Variants in TIPRL observed in about 807,000 individuals in gnomAD.
The protein encoded by TIPRL is TIP41-like protein.
TIPRL carries 10 observed loss-of-function variants against 32.3 expected under a neutral mutation model. The ratio of observed to expected loss-of-function variants is 0.31; its 90% CI spans 0.19 to 0.52. The LOEUF (loss-of-function observed/expected upper bound fraction) is 0.52, where lower values mean the gene tolerates loss of function less well. Ranked by LOEUF, TIPRL falls within the 20% of genes least tolerant of loss-of-function variation. The pLI is 0.96. For synonymous variants in TIPRL, 100 were observed against 114.0 expected (o/e 0.88, Z 0.78); for missense variants, 250 against 328.1 (o/e 0.76, Z 1.84).
At chr1:168,182,988 T>C (rs1448648327) in intron 1 of TIPRL, among the ~76,000 whole-genome samples, 3 of 152,126 alleles carry the variant, frequency 2.0e-5, no homozygotes, top group South Asian at 2.1e-4. Context: ...ATTGTTAACA[T>C]TGTGCAGTCC....
At chr1:168,194,780 G>A (rs1008821498) in intron 4 of TIPRL, among the ~76,000 whole-genome samples, 2 of 152,060 alleles carry the variant, frequency 1.3e-5, no homozygotes, top group Non-Finnish European at 2.9e-5. Context: ...AGTTTTATCC[G>A]GAAAATGGTT....
chr1:168,193,761 C>T (rs754485804), intron 4 of TIPRL, among the ~76,000 whole-genome samples: 113 of 152,088 alleles, frequency 7.4e-4, no homozygotes, highest in Non-Finnish European at 1.4e-3. Flanking sequence ...AGTATTAGTT[C>T]ATAGATATTA....
intron 2 of TIPRL, 49 bp from the exon 3 acceptor site, chr1:168,184,730 T>C (rs1700006224): frequency 8.9e-7 from 1 of 1,122,490 alleles, no homozygotes; most frequent in Non-Finnish European, 1.3e-6. Flanking sequence ...ATACAGATAA[T>C]CTCTATTCTG....
intron 1 of TIPRL, among the ~76,000 whole-genome samples, chr1:168,180,985 T>C (rs933919332): frequency 1.3e-5 from 2 of 151,268 alleles, no homozygotes; most frequent in Admixed American, 6.6e-5. Flanking sequence ...TTATTTATTT[T>C]TTATTTTGTT....
Position 168,200,672 on chromosome 1 carries a change from A to G in TIPRL, c.*626A>G, listed in dbSNP as rs1394696586. ...TACCTAGATTTTTGGAGAACTTATTACATACATAGAAACATGAATATGGTT... is the reference window on the plus strand; with the variant it reads ...TACCTAGATTTTTGGAGAACTTATTGCATACATAGAAACATGAATATGGTT... On this transcript the variant is annotated 3_prime_UTR_variant, in exon 7 of 7. Transcript: ENST00000367833. 2.0e-5 allele frequency: 3 copies of G among 152,168 alleles called. No individual in the cohort carries two copies. The highest frequency in any genetic ancestry group is 7.2e-5 in the African/African-American group (3 of 41,444). The allele number at this position is 152,168 out of a possible 1,614,324, so 9.4% of individuals were successfully genotyped here. A position where few individuals can be genotyped will look rare whatever the true frequency, so the allele number is the denominator to read the frequency against.
chr1:168,201,511 G>A lies in TIPRL; in HGVS notation c.*1465G>A, dbSNP rs1700207247. The A allele has an allele frequency of 6.6e-6, 1 of 151,908 alleles. No individual in the cohort carries two copies. The highest frequency in any genetic ancestry group is 1.5e-5 in the Non-Finnish European group (1 of 67,932). The allele number at this position is 151,908 out of a possible 1,614,324, so 9.4% of individuals were successfully genotyped here. A position where few individuals can be genotyped will look rare whatever the true frequency, so the allele number is the denominator to read the frequency against. On this transcript the variant is annotated 3_prime_UTR_variant, in exon 7 of 7. Coordinates refer to ENST00000367833, the MANE Select transcript of TIPRL (RefSeq NM_152902.5). Reference sequence around the variant, plus strand: ...CTTCTGCCTTCTGTATCACCTCCAAGCTATAGGAAATCAGGATTTTGTTGG... The same window carrying A: ...CTTCTGCCTTCTGTATCACCTCCAAACTATAGGAAATCAGGATTTTGTTGG...
intron 1 of TIPRL, among the ~76,000 whole-genome samples, chr1:168,182,522 A>G (rs2038033): frequency 0.46 from 70,496 of 151,970 alleles, 19,382 homozygotes; most frequent in African/African-American, 0.76. Flanking sequence ...GCTCCTAGGA[A>G]GGCTGAAACA....
At chr1:168,186,975 A>G (rs916249487) in intron 3 of TIPRL, among the ~76,000 whole-genome samples, 3 of 152,214 alleles carry the variant, frequency 2.0e-5, no homozygotes, top group African/African-American at 7.2e-5. Context: ...AATGATTGTT[A>G]TCTTCAGTTT....
rs552761862 is a variant in TIPRL at position 168,186,109 on chromosome 1, A to C, written c.384+1231A>C. On this transcript the variant is annotated intron_variant, in intron 3 of 6. Transcript: ENST00000367833. ...AAAAAAAAAAAAAAAAAAAAGAGAG[A>C]GATTCATGGTAAATAACGCTAGGAA... 3.5e-5 allele frequency among the ~76,000 whole-genome samples: 5 copies of C among 141,074 alleles called. No homozygotes were observed. The Admixed American group carries it at 3.6e-4, about 10-fold the overall frequency. 92.6% of individuals were successfully genotyped at this position (141,074 alleles called of 152,430 possible). A position where few individuals can be genotyped will look rare whatever the true frequency, so the allele number is the denominator to read the frequency against.
At chr1:168,184,484 T>C (rs1700004127) in intron 2 of TIPRL, among the ~76,000 whole-genome samples, 1 of 152,228 alleles carries the variant, frequency 6.6e-6, no homozygotes, top group Non-Finnish European at 1.5e-5. Context: ...AATCAGCAAT[T>C]ATTTACTTTG....
At chr1:168,190,581 A>T (rs755059992) in intron 3 of TIPRL, among the ~76,000 whole-genome samples, 1 of 150,194 alleles carries the variant, frequency 6.7e-6, no homozygotes, top group South Asian at 2.1e-4. Flanking sequence ...TGGTTTGACA[A>T]GCATTGTTGT....
intron 5 of TIPRL, among the ~76,000 whole-genome samples, chr1:168,197,339 A>C (rs115612423): frequency 3.3e-5 from 5 of 151,812 alleles, no homozygotes; most frequent in African/African-American, 1.2e-4. Flanking sequence ...AGGTGGCAGA[A>C]TTGGAATTTG....
chr1:168,198,258 T>C (rs1434486511), intron 5 of TIPRL, among the ~76,000 whole-genome samples: 1 of 152,150 alleles, frequency 6.6e-6, no homozygotes, highest in Non-Finnish European at 1.5e-5. Flanking sequence ...TTGATTTTTT[T>C]CCTACAGTGA....
At chr1:168,187,508 A>G (rs1487809006) in intron 3 of TIPRL, among the ~76,000 whole-genome samples, 4 of 152,198 alleles carry the variant, frequency 2.6e-5, no homozygotes, top group South Asian at 2.1e-4. Context: ...ATAAATGTCA[A>G]TGTGATTACC....
At chr1:168,199,089 T>A (rs774977878) in intron 6 of TIPRL, 108 bp downstream of exon 6, 10 of 750,062 alleles carry the variant, frequency 1.3e-5, no homozygotes, top group Non-Finnish European at 2.2e-5. Flanking sequence ...CCTAAACCCA[T>A]TCATTCACCT....
At chr1:168,180,795 T>G (rs938781204) in intron 1 of TIPRL, among the ~76,000 whole-genome samples, 10 of 126,882 alleles carry the variant, frequency 7.9e-5, no homozygotes, top group Non-Finnish European at 1.4e-4. Context: ...CCTCTCTATA[T>G]CTTTCTTTTC....
chr1:168,186,189 G>C (rs1700025893), intron 3 of TIPRL, among the ~76,000 whole-genome samples: 1 of 148,770 alleles, frequency 6.7e-6, no homozygotes, highest in South Asian at 2.3e-4. Flanking sequence ...AAATCTTATA[G>C]TATGACTGAA....
chr1:168,191,752 G>A (rs1700099115), intron 4 of TIPRL, among the ~76,000 whole-genome samples: 1 of 150,606 alleles, frequency 6.6e-6, no homozygotes, highest in East Asian at 2.0e-4. Flanking sequence ...GGCGCCTGTA[G>A]TCCCAGCTAC....
In TIPRL at chr1:168,201,991, G is replaced by C. The variant is rs1282885210; in HGVS notation, c.*1945G>C. On this transcript the variant is annotated 3_prime_UTR_variant, in exon 7 of 7. Coordinates refer to ENST00000367833, the MANE Select transcript of TIPRL (RefSeq NM_152902.5). ...CTGAAAATTTTATTAGTTTATTCTT[G>C]TGGAGAATACCAAGAAAATGTGTAT... The C allele has an allele frequency of 1.3e-5, 2 of 151,222 alleles. No homozygotes were observed. Among genetic ancestry groups the C allele is most frequent in the African/African-American group, 4.9e-5 (2 of 41,146 alleles). The allele number at this position is 151,222 out of a possible 1,614,324, so 9.4% of individuals were successfully genotyped here.
Sources: gnomAD v4.1 joint callset for allele counts (sites outside exome capture counted in the v4.1 genomes callset) on GRCh38, gnomAD v4.1.1 for gene constraint, MANE v1.5 for transcripts, NCBI Gene and HGNC (gene_info 2026-07-23, HGNC 2026-07-21) for gene names.